The following ANTXR2 variants were observed in gnomAD, a reference collection of about 807,000 sequenced individuals.
The protein encoded by ANTXR2 is ANTXR cell adhesion molecule 2, also known as anthrax toxin receptor 2.
ANTXR2 carries 44 observed loss-of-function variants against 73.7 expected under a neutral mutation model. That is an observed-to-expected ratio of 0.60 (90% confidence interval 0.47 to 0.77). ANTXR2 has a LOEUF of 0.77. Ranked by LOEUF, ANTXR2 falls within the 30% of genes least tolerant of loss-of-function variation. ANTXR2 has a pLI of 0.00. For synonymous variants in ANTXR2, 217 were observed against 205.9 expected (o/e 1.05, Z -0.46); for missense variants, 604 against 592.5 (o/e 1.02, Z -0.20).
In ANTXR2 at chr4:79,945,636, ACAGCCATT is replaced by A. The variant is rs1186740223; in HGVS notation, c.1428+31977_1428+31984del. 2.6e-5 allele frequency among the ~76,000 whole-genome samples: 4 copies of A among 152,144 alleles called. No homozygotes were observed. The East Asian group carries it at 7.7e-4, about 29-fold the overall frequency. ...AGCTTTTGTTAGATACCTTTGTATCACAGCCATTCAGAATTCTTTTATAGTATTCATTT... is the reference window on the plus strand; with the variant it reads ...AGCTTTTGTTAGATACCTTTGTATCACAGAATTCTTTTATAGTATTCATTT... On this transcript the variant is annotated intron_variant, in intron 16 of 16. Transcript: ENST00000403729.
At chr4:79,973,859 A>T (rs1344801086) in intron 16 of ANTXR2, among the ~76,000 whole-genome samples, 2 of 152,220 alleles carry the variant, frequency 1.3e-5, no homozygotes, top group Admixed American at 1.3e-4. Flanking sequence ...ATAACTACAG[A>T]TTTCACATAA....
intron 16 of ANTXR2, among the ~76,000 whole-genome samples, chr4:79,914,353 G>C (rs1227657668): frequency 6.6e-6 from 1 of 152,010 alleles, no homozygotes; most frequent in Non-Finnish European, 1.5e-5. Context: ...ACCATATCTT[G>C]ACTTCGGCTT....
At chr4:80,021,624 A>G (rs1022141334) in intron 10 of ANTXR2, among the ~76,000 whole-genome samples, 3 of 152,194 alleles carry the variant, frequency 2.0e-5, no homozygotes, top group Non-Finnish European at 2.9e-5. Context: ...ATGCTTAAAA[A>G]AATGAAATGA....
chr4:79,934,117 A>C (rs1728167412), intron 16 of ANTXR2, among the ~76,000 whole-genome samples: 1 of 152,154 alleles, frequency 6.6e-6, no homozygotes, highest in African/African-American at 2.4e-5. Flanking sequence ...GTAGCATATA[A>C]AAATGTGTAT....
chr4:79,927,050 CGT>C (rs60094987), intron 16 of ANTXR2, among the ~76,000 whole-genome samples: 1,747 of 91,104 alleles, frequency 0.019, 46 homozygotes, highest in African/African-American at 0.045. Context: ...TATATATGTG[CGT>C]GTGTGTGTGT....
intron 16 of ANTXR2, among the ~76,000 whole-genome samples, chr4:79,931,162 A>G (rs1317967099): frequency 1.3e-5 from 2 of 152,242 alleles, no homozygotes; most frequent in Admixed American, 6.5e-5. Context: ...GTGCACACAT[A>G]TTCAAATTGT....
intron 3 of ANTXR2, among the ~76,000 whole-genome samples, chr4:80,057,030 A>G (rs1734032048): frequency 6.6e-6 from 1 of 151,944 alleles, no homozygotes. Flanking sequence ...TTTTCAATAG[A>G]AGCAAAAAAA....
At chr4:79,995,620 G>A (rs937833106) in intron 12 of ANTXR2, among the ~76,000 whole-genome samples, 5 of 151,786 alleles carry the variant, frequency 3.3e-5, no homozygotes, top group Admixed American at 6.6e-5. Flanking sequence ...GTTTCCACCA[G>A]GTTTTTGCTT....
At chr4:79,937,902 T>G (rs1267795488) in intron 16 of ANTXR2, among the ~76,000 whole-genome samples, 3 of 140,394 alleles carry the variant, frequency 2.1e-5, no homozygotes, top group African/African-American at 8.0e-5. Flanking sequence ...GGCGAGGCAT[T>G]GCCTCACCTG....
chr4:79,930,878 T>G (rs1268012461), intron 16 of ANTXR2, among the ~76,000 whole-genome samples: 1 of 152,250 alleles, frequency 6.6e-6, no homozygotes, highest in Non-Finnish European at 1.5e-5. Flanking sequence ...ATTTATCTAT[T>G]TATTTCCGCT....
At chr4:80,008,257 C>T (rs970060109) in intron 12 of ANTXR2, among the ~76,000 whole-genome samples, 1 of 152,134 alleles carries the variant, frequency 6.6e-6, no homozygotes, top group Non-Finnish European at 1.5e-5. Context: ...AATGAAAATA[C>T]CCTTTATCCC....
chr4:80,030,625 C>T (rs1732647853), intron 10 of ANTXR2, among the ~76,000 whole-genome samples: 1 of 152,060 alleles, frequency 6.6e-6, no homozygotes, highest in South Asian at 2.1e-4. Context: ...GATACTGCTC[C>T]AATTTACTTG....
At chr4:79,934,984 C>A (rs1211478011) in intron 16 of ANTXR2, among the ~76,000 whole-genome samples, 2 of 151,886 alleles carry the variant, frequency 1.3e-5, no homozygotes, top group African/African-American at 4.8e-5. Context: ...AGGAGATATA[C>A]CTAATGTTAA....
At chr4:80,006,153 T>C (rs772842553) in intron 12 of ANTXR2, among the ~76,000 whole-genome samples, 6 of 152,116 alleles carry the variant, frequency 3.9e-5, no homozygotes, top group Non-Finnish European at 8.8e-5. Context: ...CTTCCTCCTT[T>C]ATGTTTCTAC....
rs149036530 is a variant in ANTXR2, at chr4:80,042,878, A to C, written c.637-6846T>G. 2.6e-4 allele frequency among the ~76,000 whole-genome samples: 40 copies of C among 152,142 alleles called. No homozygotes were observed. In the East Asian group the frequency reaches 5.4e-3, roughly 21 times the overall value. ...TCTTTCCCTCTTATATTTGTGAATC[A>C]CAGGGTCTCTAAAACCTTTTTAACC... On this transcript the variant is annotated intron_variant, in intron 7 of 16. Coordinates refer to ENST00000403729, the MANE Select transcript of ANTXR2 (RefSeq NM_058172.6).
chr4:80,065,349 TC>T (rs907656849), intron 3 of ANTXR2, among the ~76,000 whole-genome samples: 17 of 152,098 alleles, frequency 1.1e-4, no homozygotes, highest in African/African-American at 4.1e-4. Context: ...CTATAATACA[TC>T]CCTGGGCTAT....
intron 11 of ANTXR2, among the ~76,000 whole-genome samples, chr4:80,018,627 T>G (rs1010537262): frequency 6.6e-6 from 1 of 152,204 alleles, no homozygotes; most frequent in Non-Finnish European, 1.5e-5. Flanking sequence ...ATTATTATCT[T>G]ACCTTATTTT....
rs538225545 is a variant in ANTXR2, at chr4:79,933,985, G to T, written c.1429-26518C>A. 2.6e-5 allele frequency among the ~76,000 whole-genome samples: 4 copies of T among 152,042 alleles called. No individual in the cohort carries two copies. The East Asian group carries it at 7.7e-4, about 29-fold the overall frequency. On this transcript the variant is annotated intron_variant, in intron 16 of 16. Coordinates refer to ENST00000403729, the MANE Select transcript of ANTXR2 (RefSeq NM_058172.6). ...GATCTCCTGACCTCGTGATCCGCCC[G>T]CCTCGGCCTCCCAAAGTGCTGGGAT... is the stretch of plus-strand genomic sequence containing the variant.
intron 9 of ANTXR2, 46 bp downstream of exon 9, chr4:80,033,426 G>A: frequency 7.2e-7 from 1 of 1,394,572 alleles, no homozygotes; most frequent in Non-Finnish European, 9.8e-7. Flanking sequence ...TGATGCTGAT[G>A]TGCTTTGCAG....
Sources: allele counts gnomAD v4.1 joint callset (sites outside exome capture counted in the v4.1 genomes callset), GRCh38; gene constraint gnomAD v4.1.1; transcripts MANE v1.5; gene names NCBI Gene and HGNC (gene_info 2026-07-23, HGNC 2026-07-21).